FCRL3: variants seen among roughly 807,000 people sequenced by gnomAD.
FCRL3 encodes the protein Fc receptor-like protein 3.
Under a neutral mutation model 75.0 loss-of-function variants are expected in FCRL3, and 89 were observed. The observed-to-expected ratio is 1.19, with a 90% CI of 1.00 to 1.42. The LOEUF is 1.42. Ranked by LOEUF, FCRL3 falls within the 40% of genes most tolerant of loss-of-function variation. The probability of loss-of-function intolerance (pLI) is 0.00; values close to 1 mark genes in which losing one functional copy is unlikely to be tolerated. For missense variants in FCRL3, 946 were observed against 880.0 expected (o/e 1.07, Z -0.95); for synonymous variants, 376 against 348.5 (o/e 1.08, Z -0.88).
chr1:157,680,904 G>T, intron 12 of FCRL3, 77 bp downstream of exon 12: 1 of 1,431,526 alleles, frequency 7.0e-7, no homozygotes, highest in Non-Finnish European at 9.7e-7. Flanking sequence ...TTTGTGACAG[G>T]GCCATGGGCT....
At chr1:157,695,886 T>A (rs1476113215) in intron 7 of FCRL3, 154 bp downstream of exon 7, 16 of 443,398 alleles carry the variant, frequency 3.6e-5, no homozygotes, top group Non-Finnish European at 6.1e-5. Flanking sequence ...CTTTTAAATA[T>A]CTCTCTCTCT....
intron 10 of FCRL3, among the ~76,000 whole-genome samples, chr1:157,683,990 T>C (rs974602613): frequency 6.6e-6 from 1 of 152,224 alleles, no homozygotes; most frequent in African/African-American, 2.4e-5. Context: ...CTTGAGGCTG[T>C]AAACCTCATC....
At chr1:157,679,830 CAAAAAAAAAAA>C (rs1166825112) in intron 13 of FCRL3, among the ~76,000 whole-genome samples, 49 of 49,912 alleles carry the variant, frequency 9.8e-4, no homozygotes, top group South Asian at 2.5e-3. Flanking sequence ...CCCCATCTCA[CAAAAAAAAAAA>C]AAAAAAAAAA....
Position 157,677,102 on chromosome 1 carries a change from G to C in FCRL3, c.*1608C>G. 1 of 1,098,222 alleles carries C rather than the reference G, an allele frequency of 9.1e-7. No homozygotes were observed. The highest frequency in any genetic ancestry group is 1.1e-6 in the Non-Finnish European group (1 of 893,668). 68.0% of individuals were successfully genotyped at this position (1,098,222 alleles called of 1,614,324 possible). A position where few individuals can be genotyped will look rare whatever the true frequency, so the allele number is the denominator to read the frequency against. ...CATCATGCCCTGCACTCAAAGGCCAGGATAAGGGTAACAGAGGCCAGTGGG... is the reference window on the plus strand; with the variant it reads ...CATCATGCCCTGCACTCAAAGGCCACGATAAGGGTAACAGAGGCCAGTGGG... On this transcript the variant is annotated 3_prime_UTR_variant, in exon 15 of 15. Transcript: ENST00000368184.
upstream of FCRL3, chr1:157,700,886 G>C: frequency 2.9e-6 from 1 of 349,632 alleles, no homozygotes; most frequent in Non-Finnish European, 4.4e-6. Flanking sequence ...CTTTGGTTCT[G>C]CATGCAGCTC....
Position 157,683,234 on chromosome 1 carries a change from A to T in FCRL3, c.1821T>A (p.Ser607=). The change falls in exon 11 of 15, where the codon TCT becomes TCA. Residue 607 remains serine (S), a synonymous_variant. Transcript: ENST00000368184. ...ARARRKPGGL[S]ATGTSSHSPS... ...GACCTCACCTAGATGTTCCAGTGGCAGAAAGTCCTCCTGCAAAACAAACAA... is the reference window on the plus strand; with the variant it reads ...GACCTCACCTAGATGTTCCAGTGGCTGAAAGTCCTCCTGCAAAACAAACAA... 1.2e-6 allele frequency: 2 copies of T among 1,613,744 alleles called. No homozygotes were observed. The highest frequency in any genetic ancestry group is 2.2e-5 in the East Asian group (1 of 44,860).
intron 11 of FCRL3, 59 bp downstream of exon 11, chr1:157,683,158 G>T: frequency 6.4e-7 from 1 of 1,566,396 alleles, no homozygotes; most frequent in South Asian, 1.2e-5. Context: ...ACATAAACAA[G>T]TCTCGTGCAT....
At chr1:157,699,518 C>A (rs1468050915) in intron 3 of FCRL3, among the ~76,000 whole-genome samples, 174 bp downstream of exon 3, 1 of 150,420 alleles carries the variant, frequency 6.6e-6, no homozygotes, top group Non-Finnish European at 1.5e-5. Flanking sequence ...AAAAAAAAAA[C>A]CTAGAGACTG....
At position 157,678,695 on chromosome 1, in the gene FCRL3, A is replaced by G. The variant is rs750601421; in HGVS notation, c.*15T>C. 2.2e-5 allele frequency: 36 copies of G among 1,612,338 alleles called. No homozygotes were observed. The Admixed American group carries it at 6.0e-4, about 27-fold the overall frequency. On this transcript the variant is annotated 3_prime_UTR_variant, in exon 15 of 15. Transcript: ENST00000368184. ...TGGTGCAGGCTGTTTCCTGTGGGCC[A>G]CTCTGGGTAAGGGGCTAGTGGTCTG... is the stretch of plus-strand genomic sequence containing the variant.
In FCRL3 at chr1:157,678,243, A is replaced by G; in HGVS notation, c.*467T>C. On this transcript the variant is annotated 3_prime_UTR_variant, in exon 15 of 15. Transcript: ENST00000368184. ...ATAACTTCTTTTGGCTGTTCCCAAT[A>G]TGGTAGCAAGGATACAGCATATACA... 11 of 988,730 alleles carry G rather than the reference A, an allele frequency of 1.1e-5. No homozygotes were observed. Among genetic ancestry groups the G allele is most frequent in the African/African-American group, 1.7e-5 (1 of 57,398 alleles). 61.2% of individuals were successfully genotyped at this position (988,730 alleles called of 1,614,324 possible).
chr1:157,681,705 G>A (rs1367350244), intron 11 of FCRL3, among the ~76,000 whole-genome samples: 1 of 152,058 alleles, frequency 6.6e-6, no homozygotes, highest in Non-Finnish European at 1.5e-5. Flanking sequence ...ATAAACATAT[G>A]TATGCATGTG....
chr1:157,690,316 T>G lies in FCRL3; in HGVS notation c.1629A>C (p.Ser543=), dbSNP rs750158181. ...SLTTEHSGNY[S]CEADNGLGAQ... Reference sequence around the variant, plus strand: ...CCCCCAGGCCATTGTCAGCCTCACATGAGTAGTTTCCAGAATGTTCTGTAG... The same window carrying G: ...CCCCCAGGCCATTGTCAGCCTCACAGGAGTAGTTTCCAGAATGTTCTGTAG... Residue 543 remains serine (S), a synonymous_variant, in exon 9 of 15, where the codon TCA becomes TCC. Coordinates refer to ENST00000368184, the MANE Select transcript of FCRL3 (RefSeq NM_052939.4). The G allele has an allele frequency of 9.9e-6, 16 of 1,614,082 alleles. No homozygotes were observed. In the African/African-American group the frequency reaches 2.1e-4, roughly 22 times the overall value.
intron 13 of FCRL3, among the ~76,000 whole-genome samples, chr1:157,679,641 C>T (rs895788921): frequency 1.3e-5 from 2 of 151,700 alleles, no homozygotes; most frequent in Admixed American, 1.3e-4. Flanking sequence ...AACTCCTGGA[C>T]AACATAGTGA....
intron 10 of FCRL3, among the ~76,000 whole-genome samples, chr1:157,687,778 T>C (rs1406433965): frequency 6.6e-6 from 1 of 151,660 alleles, no homozygotes; most frequent in African/African-American, 2.4e-5. Context: ...CACTGTGGAC[T>C]ACTAGATGGG....
rs1656178623 is a variant in FCRL3, at chr1:157,699,559, T to C, written c.52+133A>G. The C allele has an allele frequency of 1.6e-5, 13 of 818,538 alleles. No individual in the cohort carries two copies. The South Asian group carries it at 2.0e-4, about 13-fold the overall frequency. The allele number at this position is 818,538 out of a possible 1,614,324, so 50.7% of individuals were successfully genotyped here. A position where few individuals can be genotyped will look rare whatever the true frequency, so the allele number is the denominator to read the frequency against. ...GTCGGAGGAGGCTCTGTTCACCCAA[T>C]ATAGTAGCAGATGTGACCCCAGAGC... On this transcript the variant is annotated intron_variant, in intron 3 of 14. Coordinates refer to ENST00000368184, the MANE Select transcript of FCRL3 (RefSeq NM_052939.4).
chr1:157,693,191 C>T (rs369691233), intron 8 of FCRL3, among the ~76,000 whole-genome samples: 141 of 145,640 alleles, frequency 9.7e-4, no homozygotes, highest in African/African-American at 3.5e-3. Context: ...AGAAGAATCG[C>T]TTGAACCTGG....
intron 10 of FCRL3, among the ~76,000 whole-genome samples, chr1:157,688,613 T>TAA (rs58535951): frequency 4.3e-5 from 6 of 137,982 alleles, no homozygotes; most frequent in African/African-American, 1.6e-4. Flanking sequence ...TAAGAAATGT[T>TAA]AAAAAAAAAA....
At chr1:157,684,683 C>T (rs147885252) in intron 10 of FCRL3, among the ~76,000 whole-genome samples, 9 of 152,310 alleles carry the variant, frequency 5.9e-5, no homozygotes, top group African/African-American at 2.2e-4. Flanking sequence ...AAGGTAGATA[C>T]TGTTATTATT....
In FCRL3 at chr1:157,677,931, T is replaced by A. The variant is rs1359957785; in HGVS notation, c.*779A>T. ...GGAGAAGCCACATAGATATAGTAGG[T>A]TATTGTCTCGGGGTTAATGGGTGCT... On this transcript the variant is annotated 3_prime_UTR_variant, in exon 15 of 15. Transcript: ENST00000368184. The A allele has an allele frequency of 4.9e-5, 48 of 983,000 alleles. No individual in the cohort carries two copies. Among genetic ancestry groups the A allele is most frequent in the Non-Finnish European group, 5.7e-5 (47 of 827,934 alleles). 60.9% of individuals were successfully genotyped at this position (983,000 alleles called of 1,614,324 possible). A position where few individuals can be genotyped will look rare whatever the true frequency, so the allele number is the denominator to read the frequency against.
Sources: allele counts gnomAD v4.1 joint callset (sites outside exome capture counted in the v4.1 genomes callset), GRCh38; gene constraint gnomAD v4.1.1; transcripts MANE v1.5; gene names NCBI Gene and HGNC (gene_info 2026-07-23, HGNC 2026-07-21).